KIF6: variants seen among roughly 807,000 people sequenced by gnomAD.
KIF6 encodes kinesin-like protein KIF6.
A neutral mutation model predicts 112.7 loss-of-function variants in KIF6; 106 were observed. The observed-to-expected ratio is 0.94, with a 90% confidence interval of 0.80 to 1.11. The LOEUF (loss-of-function observed/expected upper bound fraction) is 1.11. Among genes scored for constraint, KIF6 ranks in the 50% least tolerant of loss-of-function variants. The pLI is 0.00. For missense variants in KIF6, 929 were observed against 964.0 expected, an observed-to-expected ratio of 0.96 and a Z score of 0.48; for synonymous variants, 339 against 339.9, an observed-to-expected ratio of 1.00 and a Z score of 0.03.
intron 3 of KIF6, among the ~76,000 whole-genome samples, chr6:39,683,981 T>G (rs1787689607): frequency 6.6e-6 from 1 of 152,206 alleles, no homozygotes; most frequent in South Asian, 2.1e-4. Context: ...GATTCAACAT[T>G]GCCAATTAGA....
intron 3 of KIF6, among the ~76,000 whole-genome samples, chr6:39,688,672 A>G (rs302570): frequency 0.89 from 134,778 of 152,152 alleles, 60,261 homozygotes; most frequent in East Asian, 0.97. Flanking sequence ...AACCCATAAA[A>G]AGAAGTGTGG....
chr6:39,720,646 AC>A, intron 2 of KIF6, 55 bp downstream of exon 2: 1 of 905,212 alleles, frequency 1.1e-6, no homozygotes, highest in Non-Finnish European at 1.8e-6. Context: ...TTAATGCAGT[AC>A]AAGAGTTAGT....
chr6:39,412,999 AGATT>A (rs1489443554), intron 15 of KIF6, among the ~76,000 whole-genome samples: 3 of 152,048 alleles, frequency 2.0e-5, no homozygotes, highest in African/African-American at 7.2e-5. Flanking sequence ...TTTTAATAAT[AGATT>A]GTGTTGCCTT....
At chr6:39,454,175 A>T (rs181128657) in intron 13 of KIF6, among the ~76,000 whole-genome samples, 18 of 152,306 alleles carry the variant, frequency 1.2e-4, no homozygotes, top group Admixed American at 9.2e-4. Flanking sequence ...TGGAAACCTA[A>T]ACTTTAAGCT....
rs527871768 is a variant in KIF6 at position 39,452,216 on chromosome 6, G to A, written c.1646-21055C>T. 6.5e-3 allele frequency among the ~76,000 whole-genome samples: 957 copies of A among 146,478 alleles called. 7 individuals carry two copies. Among genetic ancestry groups the A allele is most frequent in the Non-Finnish European group, 0.011 (712 of 66,868 alleles). ...ATTGCCCTCATCTGTTACATGACAG[G>A]AAGAGGAGAAGGAAGGAAAGGGTGC... On this transcript the variant is annotated intron_variant, in intron 13 of 22. Transcript: ENST00000287152.
intron 15 of KIF6, among the ~76,000 whole-genome samples, chr6:39,410,168 A>T (rs1315090062): frequency 6.6e-6 from 1 of 152,194 alleles, no homozygotes. Flanking sequence ...TACAGCTGCC[A>T]CTTTTCTGCA....
intron 13 of KIF6, among the ~76,000 whole-genome samples, chr6:39,440,524 T>G (rs1383546874): frequency 1.3e-5 from 2 of 152,066 alleles, no homozygotes; most frequent in Non-Finnish European, 2.9e-5. Context: ...CCTAAATAAT[T>G]AGAAGAGAAT....
chr6:39,420,031 G>C, intron 14 of KIF6, 28 bp from the exon 15 acceptor site: 2 of 1,512,694 alleles, frequency 1.3e-6, no homozygotes, highest in African/African-American at 2.7e-5. Context: ...GAAAATTGTA[G>C]TTTTTCTGTT....
chr6:39,346,453 T>C (rs999255199), intron 20 of KIF6, 23 bp downstream of exon 20: 41 of 716,926 alleles, frequency 5.7e-5, no homozygotes, highest in Admixed American at 1.4e-4. Context: ...CAGCTGTCTA[T>C]GAACCGGGAA....
rs1295274893 is a variant in KIF6 at position 39,545,592 on chromosome 6, A to G, written c.1278T>C (p.His426=). ...AAACATTTAAGTTTACCTTTAAATG[A>G]TGAAAACAGTGATGAACTTTACGCA... The part of the protein sequence containing the change: ...ADMRKVHHCF[H]HLKKLLNDKK... The change falls in exon 11 of 23, where the codon CAT becomes CAC. Residue 426 remains histidine (H), a synonymous_variant. Transcript: ENST00000287152. 6.2e-7 allele frequency: 1 copy of G among 1,609,496 alleles called. No homozygotes were observed. The highest frequency in any genetic ancestry group is 8.5e-7 in the Non-Finnish European group (1 of 1,176,306).
At chr6:39,592,325 TTAAAC>T (rs1781997879) in intron 7 of KIF6, among the ~76,000 whole-genome samples, 1 of 152,178 alleles carries the variant, frequency 6.6e-6, no homozygotes, top group South Asian at 2.1e-4. Flanking sequence ...GTTAAAGACT[TTAAAC>T]AAAAAAGAGC....
chr6:39,586,705 G>A (rs565798412), intron 7 of KIF6, among the ~76,000 whole-genome samples: 8 of 152,222 alleles, frequency 5.3e-5, no homozygotes, highest in Non-Finnish European at 7.4e-5. Context: ...TGGAAAATTT[G>A]TATGAAAACA....
At position 39,352,638 on chromosome 6, in the gene KIF6, C is replaced by G. The variant is rs934507353; in HGVS notation, c.2180+4639G>C. 1.0e-4 allele frequency among the ~76,000 whole-genome samples: 15 copies of G among 144,246 alleles called. No homozygotes were observed. In the Admixed American group the frequency reaches 1.1e-3, roughly 10 times the overall value. 94.6% of individuals were successfully genotyped at this position (144,246 alleles called of 152,430 possible). A position where few individuals can be genotyped will look rare whatever the true frequency, so the allele number is the denominator to read the frequency against. The stretch of plus-strand genomic sequence containing the variant: ...TTTTTTTTTGAGATGGAGTCTTGCT[C>G]TGTCACCCAGGCTGGAGTGCAGTGG... On this transcript the variant is annotated intron_variant, in intron 19 of 22. Transcript: ENST00000287152.
chr6:39,418,697 G>A (rs1337197609), intron 15 of KIF6, among the ~76,000 whole-genome samples: 1 of 152,220 alleles, frequency 6.6e-6, no homozygotes, highest in Non-Finnish European at 1.5e-5. Flanking sequence ...GATTCTGAGT[G>A]TGGCTGTTGG....
At chr6:39,369,791 G>T (rs1243848754) in intron 16 of KIF6, among the ~76,000 whole-genome samples, 1 of 152,100 alleles carries the variant, frequency 6.6e-6, no homozygotes, top group African/African-American at 2.4e-5. Context: ...CTTGAACTTG[G>T]CATGGATCCT....
At chr6:39,575,332 G>A (rs149637878) in intron 10 of KIF6, among the ~76,000 whole-genome samples, 43 of 151,430 alleles carry the variant, frequency 2.8e-4, no homozygotes, top group African/African-American at 4.6e-4. Flanking sequence ...GTGCAGTGGC[G>A]CGATCTCGGC....
chr6:39,419,110 T>C (rs1191780410), intron 15 of KIF6, among the ~76,000 whole-genome samples: 1 of 152,028 alleles, frequency 6.6e-6, no homozygotes, highest in African/African-American at 2.4e-5. Context: ...TCCCAGCACT[T>C]TGGGAGGCCG....
At chr6:39,368,747 T>G (rs912674246) in intron 16 of KIF6, among the ~76,000 whole-genome samples, 1 of 152,242 alleles carries the variant, frequency 6.6e-6, no homozygotes, top group Non-Finnish European at 1.5e-5. Flanking sequence ...GCCTGTTCCA[T>G]GCCCTTGGCT....
chr6:39,657,262 AG>A (rs145042867), intron 3 of KIF6, among the ~76,000 whole-genome samples: 8,195 of 150,894 alleles, frequency 0.054, 724 homozygotes, highest in African/African-American at 0.19. Context: ...AAAAAAAAAA[AG>A]GTTTTATTCT....
Sources: allele counts gnomAD v4.1 joint callset (sites outside exome capture counted in the v4.1 genomes callset), GRCh38; gene constraint gnomAD v4.1.1; transcripts MANE v1.5; gene names NCBI Gene and HGNC (gene_info 2026-07-23, HGNC 2026-07-21).